The following DLG2 variants were observed in gnomAD, a reference collection of about 807,000 sequenced individuals.
The protein encoded by DLG2 is disks large homolog 2.
A neutral mutation model predicts 132.5 loss-of-function variants in DLG2; 45 were observed. That is an observed-to-expected ratio of 0.34 (90% confidence interval 0.27 to 0.44). The LOEUF (loss-of-function observed/expected upper bound fraction) is 0.44, where lower values mean the gene tolerates loss of function less well. Among genes scored for constraint, DLG2 ranks in the 20% least tolerant of loss-of-function variants. The pLI is 1.00. For synonymous variants in DLG2, 424 were observed against 419.6 expected, an observed-to-expected ratio of 1.01 and a Z score of -0.13; for missense variants, 1,045 against 1,196.9, an observed-to-expected ratio of 0.87 and a Z score of 1.87.
chr11:85,100,861 G>T (rs1039551115), intron 6 of DLG2, among the ~76,000 whole-genome samples: 5 of 152,096 alleles, frequency 3.3e-5, no homozygotes, highest in African/African-American at 1.2e-4. Context: ...GCTCATAAAC[G>T]TGAATCATCC....
intron 6 of DLG2, among the ~76,000 whole-genome samples, chr11:84,761,230 C>T (rs2067585476): frequency 6.6e-6 from 1 of 152,188 alleles, no homozygotes; most frequent in South Asian, 2.1e-4. Flanking sequence ...AGAATTGAAG[C>T]AATGCATTTT....
At chr11:85,362,903 T>C (rs778911938) in intron 3 of DLG2, among the ~76,000 whole-genome samples, 1 of 152,162 alleles carries the variant, frequency 6.6e-6, no homozygotes, top group Non-Finnish European at 1.5e-5. Flanking sequence ...AGCAAAATTT[T>C]CTCTCTAAAA....
At chr11:84,937,042 T>C (rs566974663) in intron 6 of DLG2, among the ~76,000 whole-genome samples, 4 of 152,010 alleles carry the variant, frequency 2.6e-5, no homozygotes, top group African/African-American at 7.2e-5. Flanking sequence ...ATCCCAGCTA[T>C]TCAGGAGGCT....
At chr11:85,380,346 C>A (rs1198513919) in intron 3 of DLG2, among the ~76,000 whole-genome samples, 3 of 152,164 alleles carry the variant, frequency 2.0e-5, no homozygotes, top group Non-Finnish European at 4.4e-5. Flanking sequence ...GTCAACTATA[C>A]TGAATAAAAG....
At chr11:84,630,703 A>G (rs1017579916) in intron 6 of DLG2, among the ~76,000 whole-genome samples, 3 of 142,000 alleles carry the variant, frequency 2.1e-5, no homozygotes, top group African/African-American at 7.5e-5. Context: ...ACATTATAAC[A>G]ATTTTCTTTC....
At chr11:84,538,606 T>A (rs1185676990) in intron 6 of DLG2, among the ~76,000 whole-genome samples, 2 of 152,112 alleles carry the variant, frequency 1.3e-5, no homozygotes, top group African/African-American at 2.4e-5. Flanking sequence ...ATGTTTTTTT[T>A]TTTTCTTGGA....
chr11:83,659,657 A>G (rs572980736), intron 18 of DLG2, among the ~76,000 whole-genome samples: 15 of 152,348 alleles, frequency 9.8e-5, no homozygotes, highest in African/African-American at 3.4e-4. Flanking sequence ...GATATAGACA[A>G]GGAAGCTGGA....
intron 19 of DLG2, among the ~76,000 whole-genome samples, chr11:83,546,728 G>A (rs1173904087): frequency 1.3e-5 from 2 of 152,000 alleles, no homozygotes; most frequent in African/African-American, 2.4e-5. Context: ...AAGAAATGTT[G>A]TACTTAGATC....
chr11:84,709,240 G>T (rs2060111249), intron 6 of DLG2, among the ~76,000 whole-genome samples: 1 of 151,908 alleles, frequency 6.6e-6, no homozygotes, highest in Non-Finnish European at 1.5e-5. Context: ...AGCGAAGGAA[G>T]ATTGAATACA....
chr11:85,013,715 G>A (rs1028701637), intron 6 of DLG2, among the ~76,000 whole-genome samples: 4 of 150,758 alleles, frequency 2.7e-5, no homozygotes, highest in Admixed American at 2.0e-4. Context: ...AATAAGTTAA[G>A]TTACTAAGTA....
At chr11:84,498,876 T>C (rs1475716274) in intron 7 of DLG2, among the ~76,000 whole-genome samples, 1 of 152,112 alleles carries the variant, frequency 6.6e-6, no homozygotes, top group Non-Finnish European at 1.5e-5. Flanking sequence ...AGAAAGTAAA[T>C]ACTGAGACTG....
intron 17 of DLG2, among the ~76,000 whole-genome samples, chr11:83,810,373 G>A (rs760368266): frequency 7.2e-5 from 11 of 152,078 alleles, no homozygotes; most frequent in Admixed American, 6.6e-4. Context: ...ATGTATACAT[G>A]TATATATGCT....
chr11:84,673,816 T>C (rs1417846247), intron 6 of DLG2, among the ~76,000 whole-genome samples: 1 of 152,024 alleles, frequency 6.6e-6, no homozygotes, highest in African/African-American at 2.4e-5. Flanking sequence ...GACTTCCTCA[T>C]CTATTATCCT....
intron 15 of DLG2, among the ~76,000 whole-genome samples, chr11:83,924,001 C>T (rs1188588389): frequency 6.6e-6 from 1 of 152,080 alleles, no homozygotes; most frequent in Non-Finnish European, 1.5e-5. Context: ...TAGCCCTCAG[C>T]CACACAGGTA....
intron 6 of DLG2, among the ~76,000 whole-genome samples, chr11:84,891,152 T>C (rs1272984702): frequency 6.6e-6 from 1 of 152,170 alleles, no homozygotes; most frequent in Non-Finnish European, 1.5e-5. Flanking sequence ...ACCTGTACTT[T>C]ATACACACCA....
At chr11:83,828,172 T>G (rs557718359) in intron 17 of DLG2, among the ~76,000 whole-genome samples, 1 of 152,116 alleles carries the variant, frequency 6.6e-6, no homozygotes, top group South Asian at 2.1e-4. Flanking sequence ...CCTTAAAACA[T>G]AGTAAAACGT....
rs946368236 is a variant in DLG2, at chr11:85,438,157, G to C, written c.41-152792C>G. On this transcript the variant is annotated intron_variant, in intron 3 of 27. Coordinates refer to ENST00000376104, the MANE Select transcript of DLG2 (RefSeq NM_001142699.3). ...GGTACTAGGCTCTTTTTAACACAGA[G>C]ATCTGGTGGGAACTATAGAGCAAGA... Among the ~76,000 whole-genome samples the C allele has an allele frequency of 2.0e-5, 3 of 152,206 alleles. No homozygotes were observed. In the South Asian group the frequency reaches 6.2e-4, roughly 32 times the overall value.
intron 3 of DLG2, among the ~76,000 whole-genome samples, chr11:85,452,076 T>C (rs2092266761): frequency 6.6e-6 from 1 of 151,992 alleles, no homozygotes; most frequent in African/African-American, 2.4e-5. Flanking sequence ...AAAGAAAAAA[T>C]ACAAACTGTG....
Position 83,833,663 on chromosome 11 carries a change from C to G in DLG2, c.1673G>C (p.Gly558Ala), listed in dbSNP as rs1319763359. The G allele has an allele frequency of 6.2e-7, 1 of 1,614,028 alleles. No homozygotes were observed. The highest frequency in any genetic ancestry group is 8.5e-7 in the Non-Finnish European group (1 of 1,179,962). ...GIFVSFILAG[G>A]PADLSGELQR... ...GAGCTCCCCACTTAGGTCTGCTGGT[C>G]CACCAGCCAGAATGAAGGACACAAA... Residue 558 changes from glycine (G) to alanine (A), a missense_variant, in exon 17 of 28, where the codon GGA (glycine) becomes GCA (alanine). By Grantham distance (60) the Gly-to-Ala change is moderately conservative (BLOSUM62 0). Around this residue, in one of 4 missense-constraint regions of DLG2, gnomAD observed 398 missense variants for 543.6 expected, o/e 0.73. Coordinates refer to ENST00000376104, the MANE Select transcript of DLG2 (RefSeq NM_001142699.3).
Sources: allele counts gnomAD v4.1 joint callset (sites outside exome capture counted in the v4.1 genomes callset), GRCh38; gene constraint gnomAD v4.1.1; regional missense constraint gnomAD v4.1.1; transcripts MANE v1.5; gene names NCBI Gene and HGNC (gene_info 2026-07-23, HGNC 2026-07-21).